CD164: variants seen among roughly 807,000 people sequenced by gnomAD.
The protein encoded by CD164 is sialomucin core protein 24.
Under a neutral mutation model 24.6 loss-of-function variants are expected in CD164, and 11 were observed. The observed-to-expected ratio is 0.45, with a 90% CI of 0.28 to 0.74. The LOEUF (loss-of-function observed/expected upper bound fraction) is 0.74, where lower values mean the gene tolerates loss of function less well. Ranked by LOEUF, CD164 falls within the 30% of genes least tolerant of loss-of-function variation. The probability of loss-of-function intolerance (pLI) is 0.13; values close to 1 mark genes in which losing one functional copy is unlikely to be tolerated. For missense variants in CD164, 295 were observed against 243.7 expected (o/e 1.21, Z -1.40); for synonymous variants, 126 against 100.3 (o/e 1.26, Z -1.53).
rs1473049203 is a variant in CD164 at position 109,382,296 on chromosome 6, G to C, written c.83C>G (p.Thr28Ser). ...TAAAGTCGTCACGTTCGGGTGCTGG[G>C]TCGTGTTCTTGTCCGCGGACAGCAC... The part of the protein sequence containing the change: ...LCVLSADKNT[T>S]QHPNVTTLAP... The change falls in exon 1 of 6, where the codon ACC becomes AGC. Residue 28 changes from threonine (T) to serine (S), a missense_variant. Thr to Ser is a moderately conservative substitution (Grantham distance 58). Transcript: ENST00000310786. The C allele has an allele frequency of 2.5e-6, 4 of 1,585,078 alleles. No individual in the cohort carries two copies. In the South Asian group the frequency reaches 3.4e-5, roughly 14 times the overall value.
intron 4 of CD164, among the ~76,000 whole-genome samples, chr6:109,374,109 C>T (rs1771264355): frequency 6.6e-6 from 1 of 152,166 alleles, no homozygotes; most frequent in African/African-American, 2.4e-5. Flanking sequence ...CTATTTCCTC[C>T]CGTCTTCTTC....
intron 4 of CD164, among the ~76,000 whole-genome samples, chr6:109,373,045 T>C (rs910099546): frequency 6.6e-6 from 1 of 151,114 alleles, no homozygotes; most frequent in African/African-American, 2.4e-5. Context: ...TAGGAAAGGT[T>C]AAAAAAAAAT....
chr6:109,369,012 T>C lies in CD164; in HGVS notation c.433A>G (p.Thr145Ala). 6.2e-7 allele frequency: 1 copy of C among 1,610,434 alleles called. No homozygotes were observed. Among genetic ancestry groups the C allele is most frequent in the Non-Finnish European group, 8.5e-7 (1 of 1,178,806 alleles). Residue 145 changes from threonine (T) to alanine (A), a missense_variant, in exon 6 of 6, where the codon ACA (threonine) becomes GCA (alanine). Transcript: ENST00000310786. ...TSKTVTTSGTTNNTVTPTSQP... is the reference protein window; with the variant it reads ...TSKTVTTSGTANNTVTPTSQP... ...GAGGTTGGAGTCACAGTGTTATTTGTTGTACCTGTTAGATAAGACAAAAGA... is the reference window on the plus strand; with the variant it reads ...GAGGTTGGAGTCACAGTGTTATTTGCTGTACCTGTTAGATAAGACAAAAGA...
chr6:109,368,170 A>C lies in CD164; in HGVS notation c.*681T>G. ...AAGAACAAATCATAGACATTAAGCT[A>C]GAGCTTACCTTTCACTGTCTTCTAA... On this transcript the variant is annotated 3_prime_UTR_variant, in exon 6 of 6. Coordinates refer to ENST00000310786, the MANE Select transcript of CD164 (RefSeq NM_006016.6). 19 of 1,022,122 alleles carry C rather than the reference A, an allele frequency of 1.9e-5. No homozygotes were observed. Among genetic ancestry groups the C allele is most frequent in the Non-Finnish European group, 2.7e-5 (19 of 716,784 alleles). 63.3% of individuals were successfully genotyped at this position (1,022,122 alleles called of 1,614,324 possible). A position where few individuals can be genotyped will look rare whatever the true frequency, so the allele number is the denominator to read the frequency against.
Position 109,382,379 on chromosome 6 carries a change from C to G in CD164, c.-1G>C, listed in dbSNP as rs1216289996. 4 of 1,534,734 alleles carry G rather than the reference C, an allele frequency of 2.6e-6. No homozygotes were observed. Among genetic ancestry groups the G allele is most frequent in the Non-Finnish European group, 3.5e-6 (4 of 1,145,710 alleles). ...GCAGTGAGCGGGAGAGCCGCGACAT[C>G]GTGTCCTCAGCGCTGGCGTTCGGGA... On this transcript the variant is annotated 5_prime_UTR_variant, in exon 1 of 6. Coordinates refer to ENST00000310786, the MANE Select transcript of CD164 (RefSeq NM_006016.6).
In CD164 at chr6:109,367,496, G is replaced by A. The variant is rs141049741; in HGVS notation, c.*1355C>T. ...TCTGCACTAGTCCAATGAGTCAAAG[G>A]CAAGGGAGAAGTAAACCTCTAAAAC... On this transcript the variant is annotated 3_prime_UTR_variant, in exon 6 of 6. Coordinates refer to ENST00000310786, the MANE Select transcript of CD164 (RefSeq NM_006016.6). 173 of 152,488 alleles carry A rather than the reference G, an allele frequency of 1.1e-3. No homozygotes were observed. The highest frequency in any genetic ancestry group is 6.6e-4 in the Non-Finnish European group (45 of 68,002). The allele number at this position is 152,488 out of a possible 1,614,324, so 9.4% of individuals were successfully genotyped here. A position where few individuals can be genotyped will look rare whatever the true frequency, so the allele number is the denominator to read the frequency against.
Position 109,369,036 on chromosome 6 carries a change from G to C in CD164, c.428-19C>G. 6.3e-7 allele frequency: 1 copy of C among 1,597,710 alleles called. No homozygotes were observed. The highest frequency in any genetic ancestry group is 8.5e-7 in the Non-Finnish European group (1 of 1,174,414). On this transcript the variant is annotated intron_variant, in intron 5 of 5. Coordinates refer to ENST00000310786, the MANE Select transcript of CD164 (RefSeq NM_006016.6). ...GTTGTACCTGTTAGATAAGACAAAA[G>C]AAACAACAATCCTAAGTTTCATGGT...
At chr6:109,376,245 T>G (rs1771402260) in intron 3 of CD164, 133 bp from the exon 4 acceptor site, 4 of 556,756 alleles carry the variant, frequency 7.2e-6, no homozygotes, top group Admixed American at 8.2e-5. Context: ...ATACTACCTG[T>G]GGAAGAGACT....
chr6:109,371,335 C>A (rs899689253), intron 4 of CD164: 1 of 152,148 alleles, frequency 6.6e-6, no homozygotes, highest in Non-Finnish European at 1.5e-5. Context: ...ACTGCAACCT[C>A]CGCCTCCCAG....
intron 1 of CD164, 54 bp downstream of exon 1, chr6:109,382,150 A>G (rs1471374922): frequency 3.6e-6 from 5 of 1,374,436 alleles, no homozygotes; most frequent in Non-Finnish European, 3.8e-6. Context: ...GCGAGGAGGC[A>G]GTGCGGCTCG....
In CD164 at chr6:109,376,079, G is replaced by T; in HGVS notation, c.365C>A (p.Ser122Tyr). 1 of 1,570,844 alleles carries T rather than the reference G, an allele frequency of 6.4e-7. No individual in the cohort carries two copies. Among genetic ancestry groups the T allele is most frequent in the East Asian group, 2.3e-5 (1 of 43,076 alleles). Residue 122 changes from serine (S) to tyrosine (Y), a missense_variant, in exon 4 of 6, where the codon TCT (serine) becomes TAT (tyrosine). Physicochemically the swap from Ser to Tyr is moderately radical, Grantham distance 144 (BLOSUM62 -2). Coordinates refer to ENST00000310786, the MANE Select transcript of CD164 (RefSeq NM_006016.6). ...STATPVPTAN[S>Y]TAKPTVQPSP... ...AAACAGTCATCTTGAATTACCTGTAGAATTGGCTGTTGGCACTGGAGTGGC... is the reference window on the plus strand; with the variant it reads ...AAACAGTCATCTTGAATTACCTGTATAATTGGCTGTTGGCACTGGAGTGGC...
intron 2 of CD164, among the ~76,000 whole-genome samples, 196 bp from the exon 3 acceptor site, chr6:109,378,167 A>G (rs1771528135): frequency 6.6e-6 from 1 of 152,210 alleles, no homozygotes. Flanking sequence ...TGACTTAGAG[A>G]TTACGCAGGA....
In CD164 at chr6:109,368,099, A is replaced by T; in HGVS notation, c.*752T>A. 1 of 481,800 alleles carries T rather than the reference A, an allele frequency of 2.1e-6. No individual in the cohort carries two copies. Among genetic ancestry groups the T allele is most frequent in the Non-Finnish European group, 3.6e-6 (1 of 279,008 alleles). 29.8% of individuals were successfully genotyped at this position (481,800 alleles called of 1,614,324 possible). ...ATCTAAAACAGGTTTACTACTGCTC[A>T]CATCAAGTTACATCCTCTGACCAAT... On this transcript the variant is annotated 3_prime_UTR_variant, in exon 6 of 6. Coordinates refer to ENST00000310786, the MANE Select transcript of CD164 (RefSeq NM_006016.6).
At chr6:109,381,210 C>T (rs1270828882) in intron 1 of CD164, among the ~76,000 whole-genome samples, 1 of 152,176 alleles carries the variant, frequency 6.6e-6, no homozygotes, top group Non-Finnish European at 1.5e-5. Context: ...ACTTATCTTC[C>T]TTCTCTCTTT....
rs1353616133 is a variant in CD164, at chr6:109,366,957, G to C, written c.*1894C>G. 11 of 152,160 alleles carry C rather than the reference G, an allele frequency of 7.2e-5. No homozygotes were observed. Among genetic ancestry groups the C allele is most frequent in the Admixed American group, 3.3e-4 (5 of 15,282 alleles). The allele number at this position is 152,160 out of a possible 1,614,324, so 9.4% of individuals were successfully genotyped here. On this transcript the variant is annotated 3_prime_UTR_variant, in exon 6 of 6. Transcript: ENST00000310786. ...CATATGTTGACATGAATGTGTGTCAGGGAATTCATACCCAGGTAAATGACA... is the reference window on the plus strand; with the variant it reads ...CATATGTTGACATGAATGTGTGTCACGGAATTCATACCCAGGTAAATGACA...
intron 5 of CD164, 135 bp downstream of exon 5, chr6:109,370,276 C>T (rs1407481993): frequency 4.5e-6 from 3 of 672,100 alleles, no homozygotes; most frequent in African/African-American, 3.8e-5. Flanking sequence ...CTACCTTGAT[C>T]CCCCCTAAGA....
At chr6:109,371,424 A>G (rs1296047427) in intron 4 of CD164, 1 of 153,484 alleles carries the variant, frequency 6.5e-6, no homozygotes, top group Non-Finnish European at 1.5e-5. Flanking sequence ...CTAATTTTTT[A>G]TTTTTAGGAG....
At chr6:109,378,018 T>A in intron 2 of CD164, 47 bp from the exon 3 acceptor site, 1 of 1,468,954 alleles carries the variant, frequency 6.8e-7, no homozygotes, top group African/African-American at 1.4e-5. Context: ...AACCACCCAT[T>A]TGTATTATCT....
rs1006186489 is a variant in CD164 at position 109,368,140 on chromosome 6, T to A, written c.*711A>T. The A allele has an allele frequency of 1.3e-6, 1 of 770,076 alleles. No individual in the cohort carries two copies. The highest frequency in any genetic ancestry group is 2.1e-5 in the South Asian group (1 of 48,022). 47.7% of individuals were successfully genotyped at this position (770,076 alleles called of 1,614,324 possible). ...TCTGACCAATCCTTACCTTCCTTAATGTCAAAGAACAAATCATAGACATTA... is the reference window on the plus strand; with the variant it reads ...TCTGACCAATCCTTACCTTCCTTAAAGTCAAAGAACAAATCATAGACATTA... On this transcript the variant is annotated 3_prime_UTR_variant, in exon 6 of 6. Transcript: ENST00000310786.
Sources: allele counts gnomAD v4.1 joint callset (sites outside exome capture counted in the v4.1 genomes callset), GRCh38; gene constraint gnomAD v4.1.1; transcripts MANE v1.5; gene names NCBI Gene and HGNC (gene_info 2026-07-23, HGNC 2026-07-21).